NRXN3: variants seen among roughly 807,000 people sequenced by gnomAD.
NRXN3 encodes the protein neurexin III.
A neutral mutation model predicts 137.6 loss-of-function variants in NRXN3; 32 were observed. The ratio of observed to expected loss-of-function variants is 0.23; its 90% CI spans 0.18 to 0.31. NRXN3 has a LOEUF of 0.31. NRXN3 is among the 10% of genes least tolerant of loss of function. The pLI, the probability that NRXN3 is intolerant of heterozygous loss-of-function variation, is 1.00. For synonymous variants in NRXN3, 798 were observed against 784.5 expected (o/e 1.02, Z -0.29); for missense variants, 1,574 against 2,062.5 (o/e 0.76, Z 4.59).
intron 15 of NRXN3, among the ~76,000 whole-genome samples, chr14:79,240,532 C>T (rs1384997304): frequency 6.6e-6 from 1 of 152,016 alleles, no homozygotes; most frequent in Admixed American, 6.6e-5. Context: ...CTTTAAAATC[C>T]TTGATCATGG....
At chr14:78,185,025 G>A (rs563723309) in intron 1 of NRXN3, among the ~76,000 whole-genome samples, 6 of 152,354 alleles carry the variant, frequency 3.9e-5, no homozygotes, top group Non-Finnish European at 8.8e-5. Context: ...CTTCTGCAAA[G>A]CCACTGCTAT....
chr14:79,294,269 G>T (rs1176587207), intron 15 of NRXN3, among the ~76,000 whole-genome samples: 2 of 152,122 alleles, frequency 1.3e-5, no homozygotes, highest in South Asian at 4.1e-4. Context: ...GGTAAATAAC[G>T]TAGTGTGTTA....
intron 4 of NRXN3, among the ~76,000 whole-genome samples, chr14:78,612,877 C>T (rs1372929827): frequency 6.6e-6 from 1 of 151,594 alleles, no homozygotes; most frequent in Admixed American, 6.6e-5. Context: ...CTAAGGAAAA[C>T]CAGCTGCTAA....
At chr14:79,442,551 ACAG>A (rs1232949918) in intron 15 of NRXN3, among the ~76,000 whole-genome samples, 2 of 152,214 alleles carry the variant, frequency 1.3e-5, no homozygotes, top group African/African-American at 4.8e-5. Context: ...TTTCTGCTAC[ACAG>A]CAGGGACAGG....
chr14:79,114,779 C>T (rs957872006), intron 15 of NRXN3, among the ~76,000 whole-genome samples: 6 of 152,090 alleles, frequency 3.9e-5, no homozygotes, highest in African/African-American at 1.4e-4. Flanking sequence ...GCTCCCACCT[C>T]AGTCTCCCAA....
At chr14:78,317,397 A>G (rs1397975750) in intron 4 of NRXN3, among the ~76,000 whole-genome samples, 1 of 152,154 alleles carries the variant, frequency 6.6e-6, no homozygotes, top group Non-Finnish European at 1.5e-5. Flanking sequence ...TTCTCATAGG[A>G]GTGCAAACCT....
In NRXN3 at chr14:79,058,720, C is replaced by T. The variant is rs1290397629; in HGVS notation, c.3262+70579C>T. 3.9e-5 allele frequency among the ~76,000 whole-genome samples: 6 copies of T among 152,080 alleles called. No individual in the cohort carries two copies. In the East Asian group the frequency reaches 9.7e-4, roughly 25 times the overall value. The stretch of plus-strand genomic sequence containing the variant: ...AAATTCCTACATGTCAAGGGAGGGA[C>T]CTGTAGTCCGCAAGTGTTGAGGGAG... On this transcript the variant is annotated intron_variant, in intron 15 of 20. Transcript: ENST00000335750.
intron 10 of NRXN3, among the ~76,000 whole-genome samples, chr14:78,930,511 G>A (rs530252456): frequency 6.6e-6 from 1 of 152,316 alleles, no homozygotes; most frequent in Admixed American, 6.5e-5. Flanking sequence ...AGTCTGGTGG[G>A]AGAGATAGGC....
chr14:78,986,173 G>A (rs765499912), intron 14 of NRXN3, among the ~76,000 whole-genome samples: 74 of 152,162 alleles, frequency 4.9e-4, no homozygotes, highest in African/African-American at 1.6e-3. Flanking sequence ...TGAGGCTTAC[G>A]TTAGAAACTG....
intron 16 of NRXN3, among the ~76,000 whole-genome samples, chr14:79,604,303 C>G (rs1233719220): frequency 6.6e-6 from 1 of 151,938 alleles, no homozygotes; most frequent in Non-Finnish European, 1.5e-5. Context: ...GGTGTGATCT[C>G]AGCTCACTAC....
intron 15 of NRXN3, among the ~76,000 whole-genome samples, chr14:79,081,064 G>A (rs1369949729): frequency 6.6e-6 from 1 of 152,094 alleles, no homozygotes; most frequent in African/African-American, 2.4e-5. Context: ...GTAGATACAA[G>A]CCTAGCATTG....
At chr14:79,616,946 T>C (rs537819184) in intron 16 of NRXN3, among the ~76,000 whole-genome samples, 1 of 152,116 alleles carries the variant, frequency 6.6e-6, no homozygotes, top group Non-Finnish European at 1.5e-5. Flanking sequence ...TGCCCTCAAA[T>C]AGTAGCCGAC....
intron 15 of NRXN3, among the ~76,000 whole-genome samples, chr14:78,996,959 G>A (rs1226038318): frequency 2.0e-5 from 3 of 152,156 alleles, no homozygotes. Context: ...TTCTATAGAT[G>A]TGGGTTGTAG....
intron 6 of NRXN3, among the ~76,000 whole-genome samples, chr14:78,693,767 A>G (rs977712387): frequency 1.3e-5 from 2 of 150,352 alleles, no homozygotes; most frequent in African/African-American, 4.9e-5. Context: ...AATCTTTTAT[A>G]TAATACCAAC....
At chr14:78,773,865 G>A (rs1181786744) in intron 8 of NRXN3, among the ~76,000 whole-genome samples, 2 of 152,064 alleles carry the variant, frequency 1.3e-5, no homozygotes, top group Admixed American at 1.3e-4. Flanking sequence ...GCAGTGGCGC[G>A]ATCTTGGCTC....
chr14:79,098,563 C>T (rs921231284), intron 15 of NRXN3, among the ~76,000 whole-genome samples: 3 of 152,138 alleles, frequency 2.0e-5, no homozygotes, highest in Admixed American at 1.3e-4. Flanking sequence ...TTGCTGAGTT[C>T]GGCTAATTTA....
At chr14:79,386,246 T>G (rs971033139) in intron 15 of NRXN3, among the ~76,000 whole-genome samples, 4 of 152,106 alleles carry the variant, frequency 2.6e-5, no homozygotes, top group Non-Finnish European at 4.4e-5. Flanking sequence ...GAGAGGCAAC[T>G]TCAGCAAAGT....
chr14:78,403,930 G>A (rs2092300246), intron 4 of NRXN3: 2 of 972,720 alleles, frequency 2.1e-6, no homozygotes, highest in Admixed American at 6.2e-5. Flanking sequence ...GCTGCGGTGG[G>A]GGTGGGCTGT....
chr14:78,814,339 G>A (rs758675994), intron 10 of NRXN3, among the ~76,000 whole-genome samples: 2 of 152,168 alleles, frequency 1.3e-5, no homozygotes, highest in African/African-American at 4.8e-5. Flanking sequence ...AGAACTGGCC[G>A]GATGTGGTAG....
Sources: allele counts gnomAD v4.1 joint callset (sites outside exome capture counted in the v4.1 genomes callset), GRCh38; gene constraint gnomAD v4.1.1; transcripts MANE v1.5; gene names NCBI Gene and HGNC (gene_info 2026-07-23, HGNC 2026-07-21).